LRP6: variants seen among roughly 807,000 people sequenced by gnomAD.
LRP6 encodes the protein low-density lipoprotein receptor-related protein 6.
Under a neutral mutation model 184.1 loss-of-function variants are expected in LRP6, and 43 were observed. That is an observed-to-expected ratio of 0.23 (90% CI 0.18 to 0.30). The LOEUF (loss-of-function observed/expected upper bound fraction) is 0.30. LRP6 is among the 10% of genes least tolerant of loss of function. The pLI, the probability that LRP6 is intolerant of heterozygous loss-of-function variation, is 1.00. For missense variants in LRP6, 1,571 were observed against 2,005.3 expected (o/e 0.78, Z 4.14); for synonymous variants, 719 against 684.9 (o/e 1.05, Z -0.78).
At chr12:12,215,707 T>C (rs969143953) in intron 2 of LRP6, among the ~76,000 whole-genome samples, 5 of 151,428 alleles carry the variant, frequency 3.3e-5, no homozygotes, top group African/African-American at 1.2e-4. Context: ...AAGATCAGAG[T>C]TTTCTTTTAA....
chr12:12,209,959 T>C (rs1864165798), intron 2 of LRP6, among the ~76,000 whole-genome samples: 1 of 152,172 alleles, frequency 6.6e-6, no homozygotes, highest in Admixed American at 6.5e-5. Flanking sequence ...AGAGAAAGTA[T>C]GTATTTTACT....
chr12:12,176,937 TGCCGG>T (rs1487784431), intron 7 of LRP6, among the ~76,000 whole-genome samples: 3 of 150,514 alleles, frequency 2.0e-5, no homozygotes, highest in African/African-American at 7.3e-5. Context: ...AACGTCTGCC[TGCCGG>T]GTTCAAGTGA....
rs538807092 is a variant in LRP6, at chr12:12,212,136, A to C, written c.450-8736T>G. Among the ~76,000 whole-genome samples, 12 of 152,276 alleles carry C rather than the reference A, an allele frequency of 7.9e-5. No individual in the cohort carries two copies. The South Asian group carries it at 8.3e-4, about 11-fold the overall frequency. ...TACTCATATGTTTTCACCACTCTAGATTCCAGGTCCTTGAAAACAAGGACT... is the reference window on the plus strand; with the variant it reads ...TACTCATATGTTTTCACCACTCTAGCTTCCAGGTCCTTGAAAACAAGGACT... On this transcript the variant is annotated intron_variant, in intron 2 of 22. Transcript: ENST00000261349.
chr12:12,132,278 C>T (rs961009883), intron 17 of LRP6, among the ~76,000 whole-genome samples: 3 of 152,130 alleles, frequency 2.0e-5, no homozygotes, highest in African/African-American at 7.2e-5. Flanking sequence ...AACTATAAGG[C>T]AAAAGTTTTT....
intron 10 of LRP6, among the ~76,000 whole-genome samples, chr12:12,161,756 T>C (rs1862747186): frequency 6.6e-6 from 1 of 152,174 alleles, no homozygotes; most frequent in South Asian, 2.1e-4. Context: ...CAAACCAAAC[T>C]ATCCATTTTG....
At chr12:12,225,237 A>C (rs1864589884) in intron 2 of LRP6, among the ~76,000 whole-genome samples, 1 of 152,136 alleles carries the variant, frequency 6.6e-6, no homozygotes, top group African/African-American at 2.4e-5. Flanking sequence ...AGTGGGGAAG[A>C]AGCTTGGAAA....
intron 3 of LRP6, among the ~76,000 whole-genome samples, chr12:12,199,964 C>CAAAAAAAAAAAAAAAAAAAAAAAAAAAAA (rs146224493): frequency 2.2e-5 from 1 of 45,174 alleles, no homozygotes; most frequent in Non-Finnish European, 3.6e-5. Flanking sequence ...GACTCCATCT[C>CAAAAAAAAAAAAAAAAAAAAAAAAAAAAA]AAAAAAAAAA....
chr12:12,214,163 C>T (rs1180121931), intron 2 of LRP6, among the ~76,000 whole-genome samples: 1 of 152,030 alleles, frequency 6.6e-6, no homozygotes, highest in African/African-American at 2.4e-5. Context: ...TCTCAAAACA[C>T]ATTTTCAAAA....
chr12:12,120,020 T>A lies in LRP6; in HGVS notation c.*1106A>T, dbSNP rs1346316385. On this transcript the variant is annotated 3_prime_UTR_variant, in exon 23 of 23. Transcript: ENST00000261349. ...ATATATATATATATATATATATATATATATATATATATATATATATATAAA... is the reference window on the plus strand; with the variant it reads ...ATATATATATATATATATATATATAAATATATATATATATATATATATAAA... The A allele has an allele frequency of 1.7e-4, 18 of 108,164 alleles. No individual in the cohort carries two copies. The highest frequency in any genetic ancestry group is 3.0e-4 in the South Asian group (1 of 3,372). The allele number at this position is 108,164 out of a possible 1,614,324, so 6.7% of individuals were successfully genotyped here. A position where few individuals can be genotyped will look rare whatever the true frequency, so the allele number is the denominator to read the frequency against.
intron 2 of LRP6, among the ~76,000 whole-genome samples, chr12:12,240,050 A>AC (rs748155333): frequency 1.4e-5 from 2 of 146,116 alleles, no homozygotes; most frequent in African/African-American, 5.5e-5. Context: ...ACACACACAC[A>AC]AAGAGACACA....
chr12:12,206,491 G>A (rs1041035076), intron 2 of LRP6, among the ~76,000 whole-genome samples: 4 of 151,302 alleles, frequency 2.6e-5, no homozygotes, highest in East Asian at 1.9e-4. Flanking sequence ...TGCAGTGAGC[G>A]GAGATAGCGC....
At chr12:12,213,295 T>C (rs1033964790) in intron 2 of LRP6, among the ~76,000 whole-genome samples, 1 of 152,136 alleles carries the variant, frequency 6.6e-6, no homozygotes, top group African/African-American at 2.4e-5. Context: ...AATTAATACA[T>C]TTATTTATTT....
intron 21 of LRP6, 44 bp downstream of exon 21, chr12:12,125,252 A>G (rs751465806): frequency 1.2e-6 from 2 of 1,609,452 alleles, no homozygotes. Context: ...TAAAAAATCT[A>G]AGATCTTATG....
intron 9 of LRP6, 111 bp from the exon 10 acceptor site, chr12:12,162,530 G>A (rs1591902016): frequency 2.4e-6 from 2 of 839,960 alleles, no homozygotes; most frequent in South Asian, 1.4e-5. Flanking sequence ...AGTGCCAAGA[G>A]GCATACTATT....
At chr12:12,266,647 C>T (rs1467461458) in intron 1 of LRP6, 34 bp downstream of exon 1, 1 of 1,603,048 alleles carries the variant, frequency 6.2e-7, no homozygotes, top group South Asian at 1.1e-5. Context: ...CCCCCCGAAC[C>T]CCACCAACTT....
chr12:12,230,920 C>T (rs374616305), intron 2 of LRP6, among the ~76,000 whole-genome samples: 7 of 151,910 alleles, frequency 4.6e-5, no homozygotes, highest in African/African-American at 9.7e-5. Context: ...CAGTGGCTCA[C>T]GCCTGTAATC....
intron 7 of LRP6, among the ~76,000 whole-genome samples, chr12:12,176,019 C>T (rs1356608952): frequency 1.4e-5 from 1 of 69,482 alleles, no homozygotes; most frequent in Admixed American, 1.9e-4. Context: ...GCAGTAAAAC[C>T]TGATCCTAAA....
At chr12:12,257,614 A>C (rs2135940258) in intron 1 of LRP6, among the ~76,000 whole-genome samples, 1 of 148,362 alleles carries the variant, frequency 6.7e-6, no homozygotes, top group South Asian at 2.1e-4. Context: ...CTTGATAGAA[A>C]GGGCTTAATG....
chr12:12,226,728 G>A (rs1864633370), intron 2 of LRP6: 1 of 152,200 alleles, frequency 6.6e-6, no homozygotes. Context: ...AGATCAGCAT[G>A]GCCCCTGCAC....
Sources: allele counts gnomAD v4.1 joint callset (sites outside exome capture counted in the v4.1 genomes callset), GRCh38; gene constraint gnomAD v4.1.1; transcripts MANE v1.5; gene names NCBI Gene and HGNC (gene_info 2026-07-23, HGNC 2026-07-21).